ARRDC1: variants seen among roughly 807,000 people sequenced by gnomAD.
ARRDC1 encodes the protein arrestin domain-containing protein 1.
ARRDC1 carries 37 observed loss-of-function variants against 40.1 expected under a neutral mutation model. That is an observed-to-expected ratio of 0.92 (90% confidence interval 0.71 to 1.21). The LOEUF (loss-of-function observed/expected upper bound fraction) is 1.21, where lower values mean the gene tolerates loss of function less well. Ranked by LOEUF, ARRDC1 falls within the 50% of genes most tolerant of loss-of-function variation. The pLI, the probability that ARRDC1 is intolerant of heterozygous loss-of-function variation, is 0.00. For synonymous variants in ARRDC1, 310 were observed against 262.5 expected (o/e 1.18, Z -1.75); for missense variants, 641 against 581.9 (o/e 1.10, Z -1.04).
intron 1 of ARRDC1, chr9:137,611,517 CCA>C (rs1418954264): frequency 6.6e-6 from 1 of 152,564 alleles, no homozygotes; most frequent in Non-Finnish European, 1.5e-5. Flanking sequence ...CGAGATCGTG[CCA>C]CTGCACACTA....
Position 137,614,577 on chromosome 9 carries a change from G to A in ARRDC1, c.814G>A (p.Glu272Lys), listed in dbSNP as rs1403902700. 3.7e-6 allele frequency: 6 copies of A among 1,612,922 alleles called. No homozygotes were observed. The Admixed American group carries it at 1.0e-4, about 27-fold the overall frequency. Residue 272 changes from glutamate (E) to lysine (K), a missense_variant, in exon 7 of 8, where the codon GAA becomes AAA. Transcript: ENST00000371421. ...YYLQVSLKAP[E>K]ATVTLPVFIG... ...TGTCCAGGTCTCTCTGAAGGCGCCG[G>A]AAGCTACTGTGACCCTCCCGGTCTT...
rs147417622 is a variant in ARRDC1, at chr9:137,614,462, A to T, written c.782A>T (p.Asp261Val). 6.2e-7 allele frequency: 1 copy of T among 1,613,258 alleles called. No individual in the cohort carries two copies. The highest frequency in any genetic ancestry group is 8.5e-7 in the Non-Finnish European group (1 of 1,179,914). Reference protein sequence around the residue: ...ALPGCSLIHIDYYLQVSLKAP... With the variant: ...ALPGCSLIHIVYYLQVSLKAP... ...CCGGGCTGCAGCCTCATCCACATCG[A>T]CTACTACTTACAGGTTTGGTGCTGC... Residue 261 changes from aspartate to valine, a missense_variant, in exon 6 of 8, where the codon GAC becomes GTC. By Grantham distance (152) the Asp-to-Val change is radical. Coordinates refer to ENST00000371421, the MANE Select transcript of ARRDC1 (RefSeq NM_152285.4).
At position 137,614,609 on chromosome 9, in the gene ARRDC1, C is replaced by T; in HGVS notation, c.846C>T (p.Gly282=). The T allele has an allele frequency of 6.2e-7, 1 of 1,612,968 alleles. No individual in the cohort carries two copies. The highest frequency in any genetic ancestry group is 8.5e-7 in the Non-Finnish European group (1 of 1,179,868). ...CTGTGACCCTCCCGGTCTTCATTGGCAATATTGCTGTGAACCATGCCCCAG... is the reference window on the plus strand; with the variant it reads ...CTGTGACCCTCCCGGTCTTCATTGGTAATATTGCTGTGAACCATGCCCCAG... ...EATVTLPVFI[G]NIAVNHAPVS... The change falls in exon 7 of 8, where the codon GGC becomes GGT. Residue 282 remains glycine (G), a synonymous_variant. Transcript: ENST00000371421.
intron 1 of ARRDC1, among the ~76,000 whole-genome samples, chr9:137,608,207 T>A (rs1731142751): frequency 6.6e-6 from 1 of 152,160 alleles, no homozygotes; most frequent in Non-Finnish European, 1.5e-5. Context: ...GGTCTGGATC[T>A]CCTGACCTCG....
chr9:137,615,125 C>G lies in ARRDC1; in HGVS notation c.1289C>G (p.Thr430Ser). The change falls in exon 8 of 8, where the codon ACC becomes AGC. Residue 430 changes from threonine to serine, a missense_variant. Physicochemically the swap from Thr to Ser is moderately conservative, Grantham distance 58. Coordinates refer to ENST00000371421, the MANE Select transcript of ARRDC1 (RefSeq NM_152285.4). Reference protein sequence around the residue: ...QSCGGVEPSLTPES With the variant: ...QSCGGVEPSLSPES The stretch of plus-strand genomic sequence containing the variant: ...TGCGGCGGCGTGGAACCCAGCCTGA[C>G]CCCTGAGAGCTGACCCCGTGCTGCC... The G allele has an allele frequency of 6.5e-7, 1 of 1,542,558 alleles. No individual in the cohort carries two copies. The highest frequency in any genetic ancestry group is 8.8e-7 in the Non-Finnish European group (1 of 1,142,538).
chr9:137,614,725 C>G lies in ARRDC1; in HGVS notation c.962C>G (p.Ala321Gly). ...APPQEEAEAE[A>G]AAGGPHFLDP... ...CCCCAGGAGGAGGCTGAGGCTGAGG[C>G]TGCGGCTGGCGGCCCCCACTTCTTG... The change falls in exon 7 of 8, where the codon GCT becomes GGT. Residue 321 changes from alanine (A) to glycine (G), a missense_variant. By Grantham distance (60) the Ala-to-Gly change is moderately conservative. Coordinates refer to ENST00000371421, the MANE Select transcript of ARRDC1 (RefSeq NM_152285.4). The G allele has an allele frequency of 6.2e-7, 1 of 1,608,514 alleles. No homozygotes were observed. The highest frequency in any genetic ancestry group is 8.5e-7 in the Non-Finnish European group (1 of 1,177,588).
chr9:137,610,711 G>A (rs758241201), intron 1 of ARRDC1, among the ~76,000 whole-genome samples: 3 of 152,232 alleles, frequency 2.0e-5, no homozygotes, highest in Non-Finnish European at 2.9e-5. Context: ...TTACAGGCAT[G>A]TGCCACCATG....
chr9:137,613,707 A>G lies in ARRDC1; in HGVS notation c.373A>G (p.Lys125Glu). The G allele has an allele frequency of 6.2e-7, 1 of 1,614,206 alleles. No individual in the cohort carries two copies. The highest frequency in any genetic ancestry group is 1.3e-5 in the African/African-American group (1 of 75,064). ...CACGCCACGGTTTTCCAAGGATCAC[A>G]AGTGCAGCCTCGTGTTCTATATCTT... ...IHTPRFSKDH[K>E]CSLVFYILSP... is the part of the protein sequence containing the mutation. Residue 125 changes from lysine (K) to glutamate (E), a missense_variant, in exon 4 of 8, where the codon AAG becomes GAG. By Grantham distance (56) the Lys-to-Glu change is moderately conservative. Coordinates refer to ENST00000371421, the MANE Select transcript of ARRDC1 (RefSeq NM_152285.4).
Position 137,614,334 on chromosome 9 carries a change from C to T in ARRDC1, c.654C>T (p.Asp218=), listed in dbSNP as rs372144895. The change falls in exon 6 of 8, where the codon GAC becomes GAT. Residue 218 remains aspartate, a synonymous_variant. Transcript: ENST00000371421. ...ATAAGGCCAAGCGCTGGATCCACGA[C>T]GTACGGACCATTGCGGAGGTGGAGG... ...VSYKAKRWIH[D]VRTIAEVEGA... is the part of the protein sequence containing the mutation. 1.5e-4 allele frequency: 245 copies of T among 1,610,768 alleles called. No individual in the cohort carries two copies. In the South Asian group the frequency reaches 2.3e-3, roughly 15 times the overall value.
chr9:137,607,953 TGAACACAG>T (rs1318396702), intron 1 of ARRDC1, among the ~76,000 whole-genome samples: 3 of 152,212 alleles, frequency 2.0e-5, no homozygotes, highest in Non-Finnish European at 4.4e-5. Context: ...CTTGTGCATC[TGAACACAG>T]GAAACATTTT....
At chr9:137,611,166 CAGG>C (rs1335218994) in intron 1 of ARRDC1, among the ~76,000 whole-genome samples, 3 of 152,206 alleles carry the variant, frequency 2.0e-5, no homozygotes, top group African/African-American at 4.8e-5. Flanking sequence ...TGCTGGTCCA[CAGG>C]AGGATTACTG....
chr9:137,610,822 C>T (rs1047557782), intron 1 of ARRDC1, among the ~76,000 whole-genome samples: 7 of 152,206 alleles, frequency 4.6e-5, no homozygotes, highest in Non-Finnish European at 8.8e-5. Context: ...CTTGGCCTCC[C>T]GAAGTGCTGG....
Position 137,614,821 on chromosome 9 carries a change from C to G in ARRDC1, c.1058C>G (p.Pro353Arg). 6.2e-7 allele frequency: 1 copy of G among 1,613,296 alleles called. No homozygotes were observed. Among genetic ancestry groups the G allele is most frequent in the Non-Finnish European group, 8.5e-7 (1 of 1,179,912 alleles). ...QPLLATLSSV[P>R]GAPEPCPQDG... ...CTGCTGGCCACCTTGAGTTCTGTGCCTGGTGCGCCGGAGCCCTGCCCTCAG... is the reference window on the plus strand; with the variant it reads ...CTGCTGGCCACCTTGAGTTCTGTGCGTGGTGCGCCGGAGCCCTGCCCTCAG... The change falls in exon 7 of 8, where the codon CCT becomes CGT. Residue 353 changes from proline (P) to arginine (R), a missense_variant. Physicochemically the swap from Pro to Arg is moderately radical, Grantham distance 103. Coordinates refer to ENST00000371421, the MANE Select transcript of ARRDC1 (RefSeq NM_152285.4).
intron 1 of ARRDC1, among the ~76,000 whole-genome samples, chr9:137,610,363 C>A (rs1216552620): frequency 6.6e-6 from 1 of 152,038 alleles, no homozygotes; most frequent in African/African-American, 2.4e-5. Flanking sequence ...CCACTGCCCC[C>A]TTTCCGGCAT....
intron 1 of ARRDC1, among the ~76,000 whole-genome samples, chr9:137,609,403 T>C (rs1842474915): frequency 6.8e-6 from 1 of 146,836 alleles, no homozygotes; most frequent in African/African-American, 2.5e-5. Flanking sequence ...CCTGGCTAAT[T>C]TTGTATTTTT....
Position 137,613,767 on chromosome 9 carries a change from G to C in ARRDC1, c.433G>C (p.Glu145Gln). 1 of 1,614,118 alleles carries C rather than the reference G, an allele frequency of 6.2e-7. No homozygotes were observed. Among genetic ancestry groups the C allele is most frequent in the South Asian group, 1.1e-5 (1 of 91,090 alleles). ...GAACCTGAACAGCATCCCAGACATT[G>C]AGGTGAGGATGGCACAGTGACCTCC... ...PLNLNSIPDI[E>Q]QPNVASATKK... The change falls in exon 4 of 8, where the codon GAG becomes CAG. Residue 145 changes from glutamate (E) to glutamine (Q), a missense_variant and splice_region_variant. Coordinates refer to ENST00000371421, the MANE Select transcript of ARRDC1 (RefSeq NM_152285.4).
rs541399726 is a variant in ARRDC1, at chr9:137,612,854, G to A, written c.119-42G>A. ...GTGCTGGCAGCAAGCAGGGGCCTGG[G>A]CCGTCGGCTGGCTGGGGCTCATGCA... On this transcript the variant is annotated intron_variant, in intron 1 of 7. Transcript: ENST00000371421. 18 of 1,513,470 alleles carry A rather than the reference G, an allele frequency of 1.2e-5. No homozygotes were observed. In the South Asian group the frequency reaches 2.1e-4, roughly 17 times the overall value. 93.8% of individuals were successfully genotyped at this position (1,513,470 alleles called of 1,614,324 possible). A position where few individuals can be genotyped will look rare whatever the true frequency, so the allele number is the denominator to read the frequency against.
rs11137151 is a variant in ARRDC1 at position 137,613,806 on chromosome 9, A to G, written c.435+37A>G. On this transcript the variant is annotated intron_variant, in intron 4 of 7. Transcript: ENST00000371421. The stretch of plus-strand genomic sequence containing the variant: ...ACAGTGACCTCCTTGGTGGGTCCCC[A>G]CCCTCATGGAGGCTGGGGAAGAGCT... 9.2e-3 allele frequency: 14,886 copies of G among 1,609,780 alleles called. 944 individuals carry two copies. The African/African-American group carries it at 0.15, about 16-fold the overall frequency.
chr9:137,613,526 G>A lies in ARRDC1; in HGVS notation c.280+16G>A. The A allele has an allele frequency of 6.2e-7, 1 of 1,613,896 alleles. No individual in the cohort carries two copies. The highest frequency in any genetic ancestry group is 8.5e-7 in the Non-Finnish European group (1 of 1,179,968). On this transcript the variant is annotated intron_variant, in intron 3 of 7. Transcript: ENST00000371421. The stretch of plus-strand genomic sequence containing the variant: ...CTGCTTCCTGGTGAGAGCCCAGCCT[G>A]GACAGGCCTGGTGATGACCAACTGG...
Sources: allele counts gnomAD v4.1 joint callset (sites outside exome capture counted in the v4.1 genomes callset), GRCh38; gene constraint gnomAD v4.1.1; transcripts MANE v1.5; gene names NCBI Gene and HGNC (gene_info 2026-07-23, HGNC 2026-07-21).